The following KCNMA1 variants were observed in gnomAD, a reference collection of about 807,000 sequenced individuals.
The protein encoded by KCNMA1 is Calcium-activated potassium channel subunit alpha-1.
In KCNMA1, 29 loss-of-function variants were observed where a neutral mutation model predicts 140.0. That is an observed-to-expected ratio of 0.21 (90% confidence interval 0.15 to 0.28). KCNMA1 has a LOEUF of 0.28. KCNMA1 is among the 10% of genes least tolerant of loss of function. The probability of loss-of-function intolerance (pLI) is 1.00; values close to 1 mark genes in which losing one functional copy is unlikely to be tolerated. For missense variants in KCNMA1, 880 were observed against 1,602.2 expected (o/e 0.55, Z 7.70); for synonymous variants, 612 against 611.9 (o/e 1.00, Z 0.00).
intron 16 of KCNMA1, among the ~76,000 whole-genome samples, chr10:77,021,842 A>T (rs566681717): frequency 6.2e-4 from 94 of 152,334 alleles, no homozygotes; most frequent in African/African-American, 1.6e-3. Flanking sequence ...GAATGGATCC[A>T]GTCCTTGAAA....
intron 2 of KCNMA1, among the ~76,000 whole-genome samples, chr10:77,287,479 T>C (rs778374050): frequency 4.6e-5 from 7 of 152,180 alleles, no homozygotes; most frequent in Non-Finnish European, 1.0e-4. Context: ...TGCTCAGTGA[T>C]GAAAGAAGCC....
At chr10:77,034,025 T>C (rs2094141381) in intron 15 of KCNMA1, among the ~76,000 whole-genome samples, 1 of 152,138 alleles carries the variant, frequency 6.6e-6, no homozygotes, top group Admixed American at 6.5e-5. Context: ...GTGGATCGCC[T>C]GAGCTCAGGA....
chr10:76,958,115 C>T (rs577554201), intron 20 of KCNMA1, among the ~76,000 whole-genome samples: 5 of 152,234 alleles, frequency 3.3e-5, no homozygotes, highest in African/African-American at 9.6e-5. Flanking sequence ...TGCTGTGATC[C>T]AGGGAGACCC....
intron 15 of KCNMA1, among the ~76,000 whole-genome samples, chr10:77,031,924 G>T (rs1029090458): frequency 6.6e-6 from 1 of 152,196 alleles, no homozygotes; most frequent in Non-Finnish European, 1.5e-5. Flanking sequence ...GAGGGATGGA[G>T]AAAAGATAAA....
chr10:76,935,317 G>A (rs888599888), intron 23 of KCNMA1, among the ~76,000 whole-genome samples: 1 of 152,206 alleles, frequency 6.6e-6, no homozygotes, highest in African/African-American at 2.4e-5. Flanking sequence ...TTGTCCTGGG[G>A]GTGCCCCCAT....
chr10:77,249,304 T>C (rs1209804003), intron 3 of KCNMA1: 1 of 152,168 alleles, frequency 6.6e-6, no homozygotes, highest in African/African-American at 2.4e-5. Flanking sequence ...TGTAGGACAT[T>C]AGGGGAAGAG....
chr10:76,878,910 T>A lies in KCNMA1; in HGVS notation c.3428-1020A>T, dbSNP rs776392227. On this transcript the variant is annotated intron_variant, in intron 29 of 29. Transcript: ENST00000372403. ...CATTCTAACTTGGGAATCATATGCC[T>A]CACTTTAGTGGCTTAGGGAAAGAAA... is the stretch of plus-strand genomic sequence containing the variant. Among the ~76,000 whole-genome samples the A allele has an allele frequency of 2.6e-4, 39 of 152,164 alleles. 1 individual carries two copies. The highest frequency in any genetic ancestry group is 2.8e-4 in the Non-Finnish European group (19 of 68,034).
chr10:77,039,316 C>T, intron 15 of KCNMA1: 1 of 617,220 alleles, frequency 1.6e-6, no homozygotes, highest in East Asian at 2.8e-5. Context: ...GACTCTCAGG[C>T]CTGTCAAGAA....
In KCNMA1 at chr10:77,621,137, T is replaced by C. The variant is rs369682815; in HGVS notation, c.378+16128A>G. On this transcript the variant is annotated intron_variant, in intron 1 of 27. Coordinates refer to ENST00000286628, the MANE Select transcript of KCNMA1 (RefSeq NM_001161352.2). The stretch of plus-strand genomic sequence containing the variant: ...AGAGAGCCATATTGAAATATAATAA[T>C]GTATTTCCAGGCCACGGAGGTGGAG... 1.8e-4 allele frequency among the ~76,000 whole-genome samples: 27 copies of C among 152,314 alleles called. No individual in the cohort carries two copies. In the East Asian group the frequency reaches 4.1e-3, roughly 23 times the overall value.
At chr10:77,611,893 A>T (rs986920176) in intron 1 of KCNMA1, among the ~76,000 whole-genome samples, 1 of 152,220 alleles carries the variant, frequency 6.6e-6, no homozygotes, top group Non-Finnish European at 1.5e-5. Context: ...AGGCACTCTG[A>T]TCATAAGTCC....
At chr10:77,590,101 T>C (rs984059667) in intron 1 of KCNMA1, among the ~76,000 whole-genome samples, 1 of 152,190 alleles carries the variant, frequency 6.6e-6, no homozygotes, top group Admixed American at 6.5e-5. Flanking sequence ...GGGTGCTGAT[T>C]GGTGTGTTTA....
chr10:77,506,596 A>AGAGTGTGTGTGTGTGT lies in KCNMA1; in HGVS notation c.379-102574_379-102573insACACACACACACACTC. Among the ~76,000 whole-genome samples, 52 of 83,566 alleles carry AGAGTGTGTGTGTGTGT rather than the reference A, an allele frequency of 6.2e-4. 1 individual carries two copies. Among genetic ancestry groups the AGAGTGTGTGTGTGTGT allele is most frequent in the African/African-American group, 3.0e-4 (4 of 13,412 alleles). The allele number at this position is 83,566 out of a possible 152,430, so 54.8% of individuals were successfully genotyped here. On this transcript the variant is annotated intron_variant, in intron 1 of 27. Transcript: ENST00000286628. ...TAGAGAGAGAGAGAGAGAGAGAGAG[A>AGAGTGTGTGTGTGTGT]GTGTGTGTGTGTGTGTGTGTGTGTT...
intron 5 of KCNMA1, among the ~76,000 whole-genome samples, chr10:77,121,908 C>T (rs1312008739): frequency 6.6e-6 from 1 of 152,212 alleles, no homozygotes; most frequent in Non-Finnish European, 1.5e-5. Flanking sequence ...TTACAAAATG[C>T]TGGTTTGTCA....
chr10:77,040,525 G>A (rs183201397), intron 14 of KCNMA1, among the ~76,000 whole-genome samples: 21 of 152,146 alleles, frequency 1.4e-4, no homozygotes, highest in African/African-American at 3.4e-4. Flanking sequence ...ATAAAATAGT[G>A]TACATAATCT....
At chr10:77,362,567 C>A (rs1224543525) in intron 2 of KCNMA1, among the ~76,000 whole-genome samples, 1 of 152,002 alleles carries the variant, frequency 6.6e-6, no homozygotes, top group Non-Finnish European at 1.5e-5. Context: ...GAGGAAAACA[C>A]AGTGCCCAGA....
intron 1 of KCNMA1, among the ~76,000 whole-genome samples, chr10:77,469,027 G>A (rs529504129): frequency 1.1e-4 from 16 of 152,096 alleles, no homozygotes; most frequent in Non-Finnish European, 2.2e-4. Context: ...CACCCTCCCC[G>A]ACCACTTCGC....
intron 1 of KCNMA1, among the ~76,000 whole-genome samples, chr10:77,597,269 C>G (rs1238376401): frequency 6.6e-6 from 1 of 152,084 alleles, no homozygotes; most frequent in Non-Finnish European, 1.5e-5. Flanking sequence ...TCTCATCTCT[C>G]CTGCCTCAGG....
chr10:77,003,967 G>A (rs572354754), intron 18 of KCNMA1, among the ~76,000 whole-genome samples: 3 of 152,132 alleles, frequency 2.0e-5, no homozygotes, highest in Non-Finnish European at 2.9e-5. Flanking sequence ...ATTGTTAGCC[G>A]TTCTGGCGAC....
intron 2 of KCNMA1, among the ~76,000 whole-genome samples, chr10:77,273,182 C>T (rs1176342940): frequency 1.3e-5 from 2 of 152,118 alleles, no homozygotes; most frequent in African/African-American, 4.8e-5. Context: ...TGTAAATATA[C>T]ATTCATCTTT....
Sources: allele counts gnomAD v4.1 joint callset (sites outside exome capture counted in the v4.1 genomes callset), GRCh38; gene constraint gnomAD v4.1.1; transcripts MANE v1.5; gene names NCBI Gene and HGNC (gene_info 2026-07-23, HGNC 2026-07-21).